The following FERMT1 variants were observed in gnomAD, a reference collection of about 807,000 sequenced individuals.
FERMT1 encodes FERM domain containing kindlin 1.
A neutral mutation model predicts 85.3 loss-of-function variants in FERMT1; 60 were observed. The ratio of observed to expected loss-of-function variants is 0.70; its 90% confidence interval spans 0.57 to 0.87. The LOEUF (loss-of-function observed/expected upper bound fraction) is 0.87. Among genes scored for constraint, FERMT1 ranks in the 40% least tolerant of loss-of-function variants. The probability of loss-of-function intolerance (pLI) is 0.00; values close to 1 mark genes in which losing one functional copy is unlikely to be tolerated. For missense variants in FERMT1, 701 were observed against 818.9 expected, an observed-to-expected ratio of 0.86 and a Z score of 1.76; for synonymous variants, 275 against 301.1, an observed-to-expected ratio of 0.91 and a Z score of 0.90.
intron 14 of FERMT1, among the ~76,000 whole-genome samples, chr20:6,078,561 A>G (rs1219979856): frequency 6.6e-6 from 1 of 151,908 alleles, no homozygotes; most frequent in Non-Finnish European, 1.5e-5. Flanking sequence ...TGTAACCTCG[A>G]ACCTCAACTG....
Position 6,110,465 on chromosome 20 carries a change from G to A in FERMT1, c.579C>T (p.Pro193=). ...TGGATGATGCTGGTGTTCCATTGATGGGGTCATATATAGGGGTCATGGTTT... is the reference window on the plus strand; with the variant it reads ...TGGATGATGCTGGTGTTCCATTGATAGGGTCATATATAGGGGTCATGGTTT... ...YSKTMTPIYD[P]INGTPASSTM... Residue 193 remains proline, a synonymous_variant, in exon 5 of 15, where the codon CCC becomes CCT. Transcript: ENST00000217289. 1 of 1,614,148 alleles carries A rather than the reference G, an allele frequency of 6.2e-7. No homozygotes were observed. Among genetic ancestry groups the A allele is most frequent in the Non-Finnish European group, 8.5e-7 (1 of 1,180,024 alleles).
intron 5 of FERMT1, among the ~76,000 whole-genome samples, chr20:6,107,876 T>C (rs997479913): frequency 6.6e-6 from 1 of 152,168 alleles, no homozygotes; most frequent in African/African-American, 2.4e-5. Flanking sequence ...TTGTTTTGTT[T>C]TGTTTTTGAG....
intron 14 of FERMT1, among the ~76,000 whole-genome samples, chr20:6,078,033 C>G (rs1038650094): frequency 2.0e-5 from 3 of 152,166 alleles, no homozygotes; most frequent in Admixed American, 6.5e-5. Flanking sequence ...AGCCACTGCC[C>G]GGAACCCTTT....
chr20:6,088,347 T>C (rs556161809), intron 10 of FERMT1, among the ~76,000 whole-genome samples: 1 of 152,250 alleles, frequency 6.6e-6, no homozygotes, highest in Non-Finnish European at 1.5e-5. Context: ...ATAACTGTTC[T>C]GGAATACAGA....
At chr20:6,116,082 G>T (rs1466322678) in intron 2 of FERMT1, 38 bp from the exon 3 acceptor site, 1 of 1,479,706 alleles carries the variant, frequency 6.8e-7, no homozygotes, top group East Asian at 2.3e-5. Context: ...AAATGAGAGA[G>T]GGCCCAGCTT....
intron 9 of FERMT1, among the ~76,000 whole-genome samples, chr20:6,093,150 G>A (rs560297823): frequency 6.6e-6 from 1 of 152,150 alleles, no homozygotes; most frequent in South Asian, 2.1e-4. Context: ...TAGTACTGAT[G>A]AGGAAAGAAG....
At chr20:6,119,973 T>A (rs770992200) in intron 1 of FERMT1, among the ~76,000 whole-genome samples, 32 of 152,190 alleles carry the variant, frequency 2.1e-4, no homozygotes, top group Admixed American at 1.2e-3. Context: ...TAAGGTATAA[T>A]TTGCATGTAA....
At chr20:6,088,016 A>G (rs1213399907) in intron 10 of FERMT1, 133 bp from the exon 11 acceptor site, 2 of 693,616 alleles carry the variant, frequency 2.9e-6, no homozygotes, top group African/African-American at 3.5e-5. Context: ...TGGAGGAGCA[A>G]GCTGATAACA....
chr20:6,104,122 C>T lies in FERMT1; in HGVS notation c.849+3410G>A, dbSNP rs1982737620. ...CTAACCTCAGGCGATCCACCCGCCT[C>T]AGCCTCCCAAAGTACTGTGATTACA... On this transcript the variant is annotated intron_variant, in intron 6 of 14. Coordinates refer to ENST00000217289, the MANE Select transcript of FERMT1 (RefSeq NM_017671.5). The surrounding 1 kb of genome is among the most constrained non-coding windows in gnomAD (Gnocchi z 4.2). 6.6e-6 allele frequency among the ~76,000 whole-genome samples: 1 copy of T among 152,142 alleles called. No individual in the cohort carries two copies.
chr20:6,095,734 A>C (rs1982481916), intron 8 of FERMT1, among the ~76,000 whole-genome samples: 1 of 152,284 alleles, frequency 6.6e-6, no homozygotes, highest in Admixed American at 6.5e-5. Flanking sequence ...TATGTCTTCT[A>C]TAAACGTGAC....
rs1981792728 is a variant in FERMT1 at position 6,075,610 on chromosome 20, G to C, written c.*1563C>G. On this transcript the variant is annotated 3_prime_UTR_variant, in exon 15 of 15. Transcript: ENST00000217289. ...GCAGCTACTGGCTCAGAACCAGGGG[G>C]TCCCTTGCCAAGTCTGTCTCTATGT... 6.6e-6 allele frequency: 1 copy of C among 152,266 alleles called. No individual in the cohort carries two copies. The highest frequency in any genetic ancestry group is 1.5e-5 in the Non-Finnish European group (1 of 68,026). 9.4% of individuals were successfully genotyped at this position (152,266 alleles called of 1,614,324 possible).
chr20:6,089,101 A>G lies in FERMT1; in HGVS notation c.1140-12T>C, dbSNP rs780581206. 1 of 1,609,856 alleles carries G rather than the reference A, an allele frequency of 6.2e-7. No homozygotes were observed. Among genetic ancestry groups the G allele is most frequent in the South Asian group, 1.1e-5 (1 of 90,964 alleles). The stretch of plus-strand genomic sequence containing the variant: ...GTAACTTCTTGGGCCTGCAAATTCA[A>G]AGATAGTGAATGTTTAAACCACCAC... On this transcript the variant is annotated splice_polypyrimidine_tract_variant and intron_variant, in intron 9 of 14. Transcript: ENST00000217289.
chr20:6,119,849 G>A (rs547541226), intron 1 of FERMT1, among the ~76,000 whole-genome samples: 7 of 151,794 alleles, frequency 4.6e-5, no homozygotes, highest in East Asian at 3.9e-4. Flanking sequence ...TATTTCCTTC[G>A]TCCACCCAAT....
At chr20:6,102,053 G>A (rs1982673099) in intron 6 of FERMT1, among the ~76,000 whole-genome samples, 1 of 151,900 alleles carries the variant, frequency 6.6e-6, no homozygotes, top group South Asian at 2.1e-4. Flanking sequence ...TTAGAGGCAC[G>A]GTCTCACCCT....
At chr20:6,106,368 CAAG>C (rs921343129) in intron 6 of FERMT1, among the ~76,000 whole-genome samples, 4 of 152,000 alleles carry the variant, frequency 2.6e-5, no homozygotes, top group African/African-American at 9.7e-5. Flanking sequence ...AAGTCAGGAC[CAAG>C]AAGAAGACAG....
intron 13 of FERMT1, among the ~76,000 whole-genome samples, chr20:6,083,580 G>A (rs545770785): frequency 3.3e-5 from 5 of 151,450 alleles, no homozygotes; most frequent in Admixed American, 6.6e-5. Context: ...TGTAAACCCA[G>A]CACTTTGGGA....
chr20:6,090,704 A>C (rs1982332365), intron 9 of FERMT1, among the ~76,000 whole-genome samples: 1 of 152,124 alleles, frequency 6.6e-6, no homozygotes, highest in Non-Finnish European at 1.5e-5. Flanking sequence ...ACCCTGGGTG[A>C]CAGAGTAAGG....
intron 1 of FERMT1, among the ~76,000 whole-genome samples, chr20:6,121,250 T>C (rs1290907256): frequency 6.6e-6 from 1 of 152,208 alleles, no homozygotes; most frequent in Non-Finnish European, 1.5e-5. Flanking sequence ...GCCTCCCAAG[T>C]AGCTGAGATT....
At position 6,094,963 on chromosome 20, in the gene FERMT1, A is replaced by C. The variant is rs1294299308; in HGVS notation, c.1115T>G (p.Leu372Arg). 1.0e-5 allele frequency: 16 copies of C among 1,541,710 alleles called. No homozygotes were observed. Among genetic ancestry groups the C allele is most frequent in the Admixed American group, 1.7e-5 (1 of 59,888 alleles). The stretch of plus-strand genomic sequence containing the variant: ...CCTAAATAATTTGAGATTATCTGCA[A>C]GTTTAGGGATATCAGTAATGTCCTC... ...LLEDITDIPK[L>R]ADNLKLFRPK... The change falls in exon 9 of 15, where the codon CTT (leucine) becomes CGT (arginine). Residue 372 changes from leucine to arginine, a missense_variant. Transcript: ENST00000217289.
Sources: allele counts gnomAD v4.1 joint callset (sites outside exome capture counted in the v4.1 genomes callset), GRCh38; gene constraint gnomAD v4.1.1; non-coding constraint Gnocchi (gnomAD v3.1); transcripts MANE v1.5; gene names NCBI Gene and HGNC (gene_info 2026-07-23, HGNC 2026-07-21).